The following ACAD10 variants were observed in gnomAD, a reference collection of about 807,000 sequenced individuals.
ACAD10 encodes the protein acyl-CoA dehydrogenase family member 10, also known as ACAD-10.
A neutral mutation model predicts 116.8 loss-of-function variants in ACAD10; 112 were observed. The observed-to-expected ratio is 0.96, with a 90% CI of 0.82 to 1.12. The LOEUF (loss-of-function observed/expected upper bound fraction) is 1.12, where lower values mean the gene tolerates loss of function less well. Among genes scored for constraint, ACAD10 ranks in the 50% most tolerant of loss-of-function variants. The probability of loss-of-function intolerance (pLI) is 0.00; values close to 1 mark genes in which losing one functional copy is unlikely to be tolerated. For synonymous variants in ACAD10, 486 were observed against 510.6 expected, an observed-to-expected ratio of 0.95 and a Z score of 0.65; for missense variants, 1,259 against 1,350.2, an observed-to-expected ratio of 0.93 and a Z score of 1.06.
rs1889333812 is a variant in ACAD10, at chr12:111,729,803, C to T, written c.1244-3C>T. 1.2e-6 allele frequency: 2 copies of T among 1,611,004 alleles called. No homozygotes were observed. The highest frequency in any genetic ancestry group is 1.7e-6 in the Non-Finnish European group (2 of 1,178,024). Reference sequence around the variant, plus strand: ...CACCAAGTTCTAATCCTATTTCCCGCAGGGGACTATATTCCACGCCAGGTA... The same window carrying T: ...CACCAAGTTCTAATCCTATTTCCCGTAGGGGACTATATTCCACGCCAGGTA... On this transcript the variant is annotated splice_region_variant and splice_polypyrimidine_tract_variant and intron_variant, in intron 9 of 20. Transcript: ENST00000313698.
intron 17 of ACAD10, chr12:111,748,769 T>C (rs1889988617): frequency 1.8e-6 from 1 of 540,790 alleles, no homozygotes; most frequent in Admixed American, 3.2e-5. Context: ...CCAAACCTAC[T>C]CTTCCAGGCC....
intron 3 of ACAD10, among the ~76,000 whole-genome samples, chr12:111,705,185 T>C (rs1593021060): frequency 2.0e-5 from 3 of 152,146 alleles, no homozygotes; most frequent in Non-Finnish European, 2.9e-5. Flanking sequence ...GTTTTTTTTT[T>C]CAACTAGCAA....
At chr12:111,709,060 AT>A (rs1364277934) in intron 4 of ACAD10, among the ~76,000 whole-genome samples, 20 of 151,850 alleles carry the variant, frequency 1.3e-4, no homozygotes, top group African/African-American at 4.6e-4. Flanking sequence ...AAAAAAAAAA[AT>A]GGCGAAATGC....
chr12:111,726,486 C>T (rs183077487), intron 8 of ACAD10, among the ~76,000 whole-genome samples: 1 of 152,182 alleles, frequency 6.6e-6, no homozygotes, highest in East Asian at 1.9e-4. Flanking sequence ...TAATTCATTT[C>T]TTTTTTTAAG....
chr12:111,696,343 A>G (rs1566140832), intron 2 of ACAD10, among the ~76,000 whole-genome samples: 1 of 152,176 alleles, frequency 6.6e-6, no homozygotes, highest in Non-Finnish European at 1.5e-5. Context: ...GTGAGTTACC[A>G]TGCCTCACCT....
Position 111,749,211 on chromosome 12 carries a change from C to A in ACAD10, c.2683C>A (p.Pro895Thr). Reference protein sequence around the residue: ...GEVRFEHVRVPKENMVLGPGR... With the variant: ...GEVRFEHVRVTKENMVLGPGR... ...AGTCCGATTTGAGCACGTGCGTGTG[C>A]CCAAAGAGAACATGGTCCTGGGCCC... is the stretch of plus-strand genomic sequence containing the variant. Residue 895 changes from proline (P) to threonine (T), a missense_variant, in exon 18 of 21, where the codon CCC (proline) becomes ACC (threonine). Physicochemically the swap from Pro to Thr is conservative, Grantham distance 38. Coordinates refer to ENST00000313698, the MANE Select transcript of ACAD10 (RefSeq NM_025247.6). The A allele has an allele frequency of 6.2e-7, 1 of 1,613,946 alleles. No homozygotes were observed. Among genetic ancestry groups the A allele is most frequent in the Non-Finnish European group, 8.5e-7 (1 of 1,179,906 alleles).
chr12:111,717,555 A>G (rs972194160), intron 7 of ACAD10, among the ~76,000 whole-genome samples: 2 of 151,896 alleles, frequency 1.3e-5, no homozygotes, highest in South Asian at 2.1e-4. Context: ...CAAACTGCAT[A>G]TATAGTATTA....
chr12:111,723,941 C>T (rs1889132802), intron 8 of ACAD10, among the ~76,000 whole-genome samples: 1 of 151,692 alleles, frequency 6.6e-6, no homozygotes, highest in East Asian at 2.0e-4. Context: ...CTCCTCACAT[C>T]CCAGACGGGG....
chr12:111,729,976 G>C lies in ACAD10; in HGVS notation c.1394+20G>C. On this transcript the variant is annotated intron_variant, in intron 10 of 20. Transcript: ENST00000313698. The stretch of plus-strand genomic sequence containing the variant: ...CTTCAGGTAGATGTGGTGGCAGGGA[G>C]AGCTGAAAAATGACAGCAAGGATGC... 6.2e-7 allele frequency: 1 copy of C among 1,610,170 alleles called. No individual in the cohort carries two copies. Among genetic ancestry groups the C allele is most frequent in the Non-Finnish European group, 8.5e-7 (1 of 1,177,654 alleles).
At chr12:111,712,727 C>T in intron 6 of ACAD10, 70 bp downstream of exon 6, 1 of 1,522,012 alleles carries the variant, frequency 6.6e-7, no homozygotes, top group Non-Finnish European at 9.0e-7. Flanking sequence ...TCTCACTTTT[C>T]AACCCTAATG....
chr12:111,698,621 G>C (rs993635199), intron 2 of ACAD10, among the ~76,000 whole-genome samples: 1 of 151,362 alleles, frequency 6.6e-6, no homozygotes. Context: ...GGGATTACAG[G>C]CATGCACCAC....
chr12:111,741,083 G>C (rs1343382933), intron 12 of ACAD10, among the ~76,000 whole-genome samples: 1 of 152,144 alleles, frequency 6.6e-6, no homozygotes, highest in Non-Finnish European at 1.5e-5. Flanking sequence ...ACACAGTCAT[G>C]AGAAAAACTG....
chr12:111,753,336 G>A, intron 18 of ACAD10: 5 of 372,070 alleles, frequency 1.3e-5, no homozygotes, highest in Non-Finnish European at 5.3e-6. Flanking sequence ...CTGCAGGGCA[G>A]GAAGGGGTGC....
chr12:111,746,990 ACT>A (rs767496934), intron 14 of ACAD10, 57 bp from the exon 15 acceptor site: 388 of 1,515,376 alleles, frequency 2.6e-4, no homozygotes, highest in Non-Finnish European at 3.3e-4. Context: ...ACAGAGCTTG[ACT>A]CTGTTTTTTT....
At chr12:111,737,798 G>A (rs574241149) in intron 12 of ACAD10, among the ~76,000 whole-genome samples, 31 of 152,128 alleles carry the variant, frequency 2.0e-4, no homozygotes, top group African/African-American at 7.0e-4. Flanking sequence ...AAATATGTGT[G>A]TGACCATTTG....
intron 2 of ACAD10, among the ~76,000 whole-genome samples, chr12:111,699,331 G>A (rs1888282620): frequency 1.3e-5 from 2 of 152,024 alleles, no homozygotes; most frequent in Admixed American, 1.3e-4. Context: ...CCCATTTATT[G>A]AATAGTCACT....
At chr12:111,745,476 CAG>C in intron 13 of ACAD10, 1 of 235,152 alleles carries the variant, frequency 4.3e-6, no homozygotes, top group Non-Finnish European at 8.2e-6. Flanking sequence ...AGCTGATAAA[CAG>C]AAACACCCGC....
rs535970825 is a variant in ACAD10 at position 111,747,989 on chromosome 12, G to A, written c.2486-328G>A. ...GATTCCAAGGCCCGGGCCCAGAGCC[G>A]TTATGTGTGCACCACCTGTGGGAGC... On this transcript the variant is annotated intron_variant, in intron 16 of 20. Coordinates refer to ENST00000313698, the MANE Select transcript of ACAD10 (RefSeq NM_025247.6). Among the ~76,000 whole-genome samples, 18 of 152,294 alleles carry A rather than the reference G, an allele frequency of 1.2e-4. No individual in the cohort carries two copies. In the South Asian group the frequency reaches 2.3e-3, roughly 19 times the overall value.
intron 11 of ACAD10, among the ~76,000 whole-genome samples, chr12:111,736,221 C>G (rs935333412): frequency 3.0e-5 from 4 of 133,258 alleles, no homozygotes; most frequent in Non-Finnish European, 6.2e-5. Flanking sequence ...GAGTCTTGCT[C>G]TGTCACCCAG....
Sources: gnomAD v4.1 joint callset for allele counts (sites outside exome capture counted in the v4.1 genomes callset) on GRCh38, gnomAD v4.1.1 for gene constraint, MANE v1.5 for transcripts, NCBI Gene and HGNC (gene_info 2026-07-23, HGNC 2026-07-21) for gene names.